Variants in HELZ observed in about 807,000 individuals in gnomAD.
The protein encoded by HELZ is helicase with zinc finger, also known as ATP-dependent RNA helicase with zinc finger domain.
In HELZ, 23 loss-of-function variants were observed where a neutral mutation model predicts 218.2. The ratio of observed to expected loss-of-function variants is 0.11; its 90% confidence interval spans 0.08 to 0.15. The LOEUF (loss-of-function observed/expected upper bound fraction) is 0.15, where lower values mean the gene tolerates loss of function less well. Among genes scored for constraint, HELZ ranks in the 10% least tolerant of loss-of-function variants. The probability of loss-of-function intolerance (pLI) is 1.00; values close to 1 mark genes in which losing one functional copy is unlikely to be tolerated. For missense variants in HELZ, 1,813 were observed against 2,353.7 expected (o/e 0.77, Z 4.75); for synonymous variants, 814 against 829.4 (o/e 0.98, Z 0.32).
At chr17:67,224,302 A>T (rs1332244171) in intron 3 of HELZ, 3 of 156,892 alleles carry the variant, frequency 1.9e-5, no homozygotes, top group African/African-American at 7.2e-5. Context: ...TTTTTCTTAC[A>T]GTGTCAGCAA....
intron 5 of HELZ, among the ~76,000 whole-genome samples, chr17:67,203,683 G>C (rs1021823126): frequency 6.6e-6 from 1 of 152,144 alleles, no homozygotes; most frequent in Non-Finnish European, 1.5e-5. Context: ...ATCACAGGAA[G>C]AATCAATCCT....
At chr17:67,082,107 C>T (rs2036212533) in intron 32 of HELZ, among the ~76,000 whole-genome samples, 2 of 152,164 alleles carry the variant, frequency 1.3e-5, no homozygotes, top group South Asian at 4.1e-4. Context: ...AACTATCCGG[C>T]TCCCCTCATC....
At chr17:67,110,821 CT>C (rs2037259534) in intron 28 of HELZ, among the ~76,000 whole-genome samples, 1 of 152,192 alleles carries the variant, frequency 6.6e-6, no homozygotes, top group Non-Finnish European at 1.5e-5. Context: ...GATTTACTAT[CT>C]GGCTTTTTAC....
At position 67,138,080 on chromosome 17, in the gene HELZ, C is replaced by T. The variant is rs1356225078; in HGVS notation, c.2804G>A (p.Arg935Lys). The T allele has an allele frequency of 1.2e-6, 2 of 1,613,650 alleles. No homozygotes were observed. Among genetic ancestry groups the T allele is most frequent in the Non-Finnish European group, 1.7e-6 (2 of 1,179,712 alleles). Residue 935 changes from arginine to lysine, a missense_variant, in exon 22 of 33, where the codon AGA becomes AAA. This residue lies in a region of HELZ where 156 missense variants were observed against 274.4 expected (regional missense o/e 0.57). Coordinates refer to ENST00000358691, the MANE Select transcript of HELZ (RefSeq NM_014877.4). ...CCCCCACGCTACTGGCCACTTCCTTCTTAACTCTTCTACACGTTCCACCAC... is the reference window on the plus strand; with the variant it reads ...CCCCCACGCTACTGGCCACTTCCTTTTTAACTCTTCTACACGTTCCACCAC... ...FEVVERVEEL[R>K]RKWPVAWGKL...
intron 31 of HELZ, among the ~76,000 whole-genome samples, chr17:67,106,464 C>T (rs1447058804): frequency 1.3e-5 from 2 of 151,812 alleles, no homozygotes; most frequent in East Asian, 1.9e-4. Context: ...CCCGCCACCA[C>T]GCCCAGCTAA....
chr17:67,125,011 G>A lies in HELZ; in HGVS notation c.3388-997C>T, dbSNP rs376231234. 2.1e-5 allele frequency among the ~76,000 whole-genome samples: 3 copies of A among 143,702 alleles called. No homozygotes were observed. In the East Asian group the frequency reaches 6.7e-4, roughly 32 times the overall value. The allele number at this position is 143,702 out of a possible 152,430, so 94.3% of individuals were successfully genotyped here. A position where few individuals can be genotyped will look rare whatever the true frequency, so the allele number is the denominator to read the frequency against. Reference sequence around the variant, plus strand: ...AAATTACATCTGAAAACTAAAGAGGGGATTATGTCTACAGCAGGAAAAAAA... The same window carrying A: ...AAATTACATCTGAAAACTAAAGAGGAGATTATGTCTACAGCAGGAAAAAAA... On this transcript the variant is annotated intron_variant, in intron 24 of 32. Coordinates refer to ENST00000358691, the MANE Select transcript of HELZ (RefSeq NM_014877.4).
rs772876135 is a variant in HELZ, at chr17:67,120,467, A to G, written c.3776T>C (p.Val1259Ala). 1.9e-6 allele frequency: 3 copies of G among 1,613,862 alleles called. No individual in the cohort carries two copies. Among genetic ancestry groups the G allele is most frequent in the Non-Finnish European group, 2.5e-6 (3 of 1,180,016 alleles). Residue 1259 changes from valine to alanine, a missense_variant, in exon 27 of 33, where the codon GTC becomes GCC. Val to Ala is a moderately conservative substitution (Grantham distance 64). Coordinates refer to ENST00000358691, the MANE Select transcript of HELZ (RefSeq NM_014877.4). ...CTGATTTTGTGGCTGGCCTATGGTG[A>G]CAGGTGGGTGATGTCCAAGGCCATA... Reference protein sequence around the residue: ...IPYGLGHHPPVTIGQPQNQHQ... With the variant: ...IPYGLGHHPPATIGQPQNQHQ...
intron 13 of HELZ, among the ~76,000 whole-genome samples, chr17:67,174,703 C>A (rs2039404718): frequency 2.0e-5 from 3 of 152,124 alleles, no homozygotes; most frequent in Admixed American, 2.0e-4. Flanking sequence ...AAGGCTGAGG[C>A]AGGAGAATCG....
At chr17:67,206,731 C>T (rs2040307641) in intron 5 of HELZ, among the ~76,000 whole-genome samples, 1 of 151,406 alleles carries the variant, frequency 6.6e-6, no homozygotes. Context: ...TCCCGAGTAG[C>T]TGGGATTACA....
intron 4 of HELZ, 99 bp from the exon 5 acceptor site, chr17:67,216,034 C>T: frequency 1.3e-6 from 1 of 746,140 alleles, no homozygotes; most frequent in Non-Finnish European, 2.4e-6. Flanking sequence ...AAAGTTTAAT[C>T]ATTAATGTTG....
intron 11 of HELZ, among the ~76,000 whole-genome samples, chr17:67,189,142 G>A (rs1333432096): frequency 6.6e-6 from 1 of 152,160 alleles, no homozygotes; most frequent in African/African-American, 2.4e-5. Context: ...TATAATTTAA[G>A]ATGGGAAGCA....
intron 31 of HELZ, among the ~76,000 whole-genome samples, chr17:67,095,924 T>C (rs1413735808): frequency 1.3e-5 from 2 of 152,214 alleles, no homozygotes; most frequent in Non-Finnish European, 2.9e-5. Context: ...GAGGAATCAC[T>C]GTCTGTGGCA....
At chr17:67,138,804 A>T (rs893332995) in intron 21 of HELZ, among the ~76,000 whole-genome samples, 5 of 152,164 alleles carry the variant, frequency 3.3e-5, no homozygotes, top group African/African-American at 9.7e-5. Context: ...CTGGATTATG[A>T]TAGGGTTTTT....
intron 24 of HELZ, among the ~76,000 whole-genome samples, chr17:67,124,307 A>G (rs1321000306): frequency 6.6e-6 from 1 of 152,198 alleles, no homozygotes; most frequent in East Asian, 1.9e-4. Context: ...TACGCAATCA[A>G]CATGATTTAA....
rs549462976 is a variant in HELZ, at chr17:67,200,388, A to T, written c.429+741T>A. Among the ~76,000 whole-genome samples the T allele has an allele frequency of 7.2e-5, 11 of 152,106 alleles. 2 individuals carry two copies. In the South Asian group the frequency reaches 2.3e-3, roughly 32 times the overall value. On this transcript the variant is annotated intron_variant, in intron 7 of 32. Coordinates refer to ENST00000358691, the MANE Select transcript of HELZ (RefSeq NM_014877.4). ...CATACACATTATTTCCATCTCCTAAACACATTCCTTAAAGACAGTCCTTAA... is the reference window on the plus strand; with the variant it reads ...CATACACATTATTTCCATCTCCTAATCACATTCCTTAAAGACAGTCCTTAA...
In HELZ at chr17:67,113,364, A is replaced by T. The variant is rs527560364; in HGVS notation, c.3918+960T>A. Among the ~76,000 whole-genome samples the T allele has an allele frequency of 3.3e-5, 5 of 151,928 alleles. No homozygotes were observed. In the South Asian group the frequency reaches 1.0e-3, roughly 32 times the overall value. ...AAGCTCCGCCTCCTGGGTTCACGCC[A>T]TTCTCCTGCCTCAGCCTCCCGAGTA... On this transcript the variant is annotated intron_variant, in intron 28 of 32. Coordinates refer to ENST00000358691, the MANE Select transcript of HELZ (RefSeq NM_014877.4).
intron 23 of HELZ, among the ~76,000 whole-genome samples, chr17:67,133,002 G>T (rs1341354429): frequency 6.6e-6 from 1 of 152,136 alleles, no homozygotes; most frequent in Non-Finnish European, 1.5e-5. Flanking sequence ...CTTGTACTGT[G>T]AGAGTAAATT....
At chr17:67,217,930 GT>G (rs1316743927) in intron 4 of HELZ, among the ~76,000 whole-genome samples, 129 of 134,714 alleles carry the variant, frequency 9.6e-4, no homozygotes, top group Admixed American at 1.3e-3. Flanking sequence ...GTTTTTTGTT[GT>G]TTTTTTTTTT....
In HELZ at chr17:67,163,513, C is replaced by T. The variant is rs59464815; in HGVS notation, c.1896-2437G>A. ...TCCAGGGTTCACGCCATTCTCCTGC[C>T]TCAGCCTCCCGAGTAGCTGGGACTA... is the stretch of plus-strand genomic sequence containing the variant. On this transcript the variant is annotated intron_variant, in intron 15 of 32. Coordinates refer to ENST00000358691, the MANE Select transcript of HELZ (RefSeq NM_014877.4). Among the ~76,000 whole-genome samples the T allele has an allele frequency of 3.0e-3, 455 of 152,226 alleles. 2 individuals are homozygous for T. The highest frequency in any genetic ancestry group is 0.011 in the African/African-American group (438 of 41,524).
Sources: gnomAD v4.1 joint callset for allele counts (sites outside exome capture counted in the v4.1 genomes callset) on GRCh38, gnomAD v4.1.1 for gene constraint, gnomAD v4.1.1 regional missense constraint, MANE v1.5 for transcripts, NCBI Gene and HGNC (gene_info 2026-07-23, HGNC 2026-07-21) for gene names.